ARHGEF1: variants seen among roughly 807,000 people sequenced by gnomAD.
The protein encoded by ARHGEF1 is Rho guanine nucleotide exchange factor 1, also known as 115 kDa guanine nucleotide exchange factor.
A neutral mutation model predicts 119.7 loss-of-function variants in ARHGEF1; 40 were observed. The observed-to-expected ratio is 0.33, with a 90% CI of 0.26 to 0.44. ARHGEF1 has a LOEUF of 0.44. ARHGEF1 is among the 20% of genes least tolerant of loss of function. The pLI is 1.00. For missense variants in ARHGEF1, 976 were observed against 1,268.3 expected (o/e 0.77, Z 3.50); for synonymous variants, 494 against 521.0 (o/e 0.95, Z 0.71).
chr19:41,919,426 C>T (rs114144632), upstream of ARHGEF1, among the ~76,000 whole-genome samples: 541 of 152,270 alleles, frequency 3.6e-3, 1 homozygote, highest in African/African-American at 0.013. Flanking sequence ...GCTGGACACA[C>T]AGTATCACTC....
rs2074690247 is a variant in ARHGEF1, at chr19:41,906,060, G to GC, written c.2491+38dup. The GC allele has an allele frequency of 6.3e-7, 1 of 1,582,772 alleles. No homozygotes were observed. The highest frequency in any genetic ancestry group is 8.7e-7 in the Non-Finnish European group (1 of 1,153,276). On this transcript the variant is annotated intron_variant, in intron 26 of 28. Coordinates refer to ENST00000354532, the MANE Select transcript of ARHGEF1 (RefSeq NM_004706.4). This position sits in a 1 kb window ranked among gnomAD's most constrained non-coding sequence, Gnocchi z 4.5. ...CTCTGCCCCTCCAGGGTGGCCACCAGCCCAAACAGTGCCTCTGTTCCAACT... is the reference window on the plus strand; with the variant it reads ...CTCTGCCCCTCCAGGGTGGCCACCAGCCCCAAACAGTGCCTCTGTTCCAACT...
At chr19:41,918,157 T>C (rs187229020), upstream of ARHGEF1, among the ~76,000 whole-genome samples, 21 of 152,040 alleles carry the variant, frequency 1.4e-4, no homozygotes, top group East Asian at 3.7e-3. Context: ...TGACCCTGGT[T>C]GGGGGTGCCT....
chr19:41,883,229 G>T lies in ARHGEF1; in HGVS notation c.-80G>T. ...CCAGGAAGCGGGAGCCGGGACCCAG[G>T]GCCCGGGATCGCCGAGCCCGACCTC... is the stretch of plus-strand genomic sequence containing the variant. On this transcript the variant is annotated 5_prime_UTR_variant, in exon 1 of 29. Coordinates refer to ENST00000354532, the MANE Select transcript of ARHGEF1 (RefSeq NM_004706.4). This position sits in a 1 kb window ranked among gnomAD's most constrained non-coding sequence, Gnocchi z 7.6. The T allele has an allele frequency of 5.0e-6, 1 of 198,086 alleles. No homozygotes were observed. The highest frequency in any genetic ancestry group is 4.7e-5 in the South Asian group (1 of 21,358). The allele number at this position is 198,086 out of a possible 1,614,324, so 12.3% of individuals were successfully genotyped here. A position where few individuals can be genotyped will look rare whatever the true frequency, so the allele number is the denominator to read the frequency against.
Position 41,914,629 on chromosome 19 carries a change from G to GTCTCTCCCTCCCTTTCCACCA in ARHGEF1, c.1865+7831_1865+7832insCCCTCCCTTTCCACCATCTCT, listed in dbSNP as rs2074779855. 1.4e-4 allele frequency among the ~76,000 whole-genome samples: 3 copies of GTCTCTCCCTCCCTTTCCACCA among 21,626 alleles called. 1 individual carries two copies. Among genetic ancestry groups the GTCTCTCCCTCCCTTTCCACCA allele is most frequent in the East Asian group, 1.4e-3 (1 of 730 alleles). The allele number at this position is 21,626 out of a possible 152,430, so 14.2% of individuals were successfully genotyped here. A position where few individuals can be genotyped will look rare whatever the true frequency, so the allele number is the denominator to read the frequency against. ...CTCTCCCTCCCCTTCCACCATCTCT[G>GTCTCTCCCTCCCTTTCCACCA]TCTCTGTCTCTCCCTCCCTTTCCAC... On this transcript the variant is annotated intron_variant, in intron 18 of 20. Transcript: ENST00000599589.
intron 4 of ARHGEF1, among the ~76,000 whole-genome samples, chr19:41,891,129 C>T (rs1439436510): frequency 6.6e-6 from 1 of 152,170 alleles, no homozygotes; most frequent in East Asian, 1.9e-4. Context: ...GCACCACCAT[C>T]TGGGACACAG....
chr19:41,903,754 G>A lies in ARHGEF1; in HGVS notation c.1887G>A (p.Gln629=), dbSNP rs1568823581. The part of the protein sequence containing the change: ...QRRLDLSHLR[Q]SSDPMLSEFK... ...GCCTGGACTTGTCCCACCTTCGGCA[G>A]AGCAGCGACCCTATGCTGAGCGAGT... Residue 629 remains glutamine (Q), a synonymous_variant, in exon 20 of 29, where the codon CAG becomes CAA. Transcript: ENST00000354532. This position sits in a 1 kb window ranked among gnomAD's most constrained non-coding sequence, Gnocchi z 4.2. The A allele has an allele frequency of 1.2e-6, 2 of 1,613,154 alleles. No individual in the cohort carries two copies. Among genetic ancestry groups the A allele is most frequent in the Admixed American group, 3.3e-5 (2 of 60,020 alleles).
chr19:41,888,715 T>C lies in ARHGEF1; in HGVS notation c.112-37T>C. 1.9e-6 allele frequency: 3 copies of C among 1,591,028 alleles called. No homozygotes were observed. Among genetic ancestry groups the C allele is most frequent in the Non-Finnish European group, 2.6e-6 (3 of 1,159,552 alleles). On this transcript the variant is annotated intron_variant, in intron 3 of 28. Transcript: ENST00000354532. This position sits in a 1 kb window ranked among gnomAD's most constrained non-coding sequence, Gnocchi z 5.1. The stretch of plus-strand genomic sequence containing the variant: ...AGGGTCAACCCTAAGGCCCCTCCTC[T>C]TCTCCCCATTGTACTCACCCCTTCC...
At chr19:41,920,557 A>G (rs2074836261), upstream of ARHGEF1, among the ~76,000 whole-genome samples, 1 of 152,058 alleles carries the variant, frequency 6.6e-6, no homozygotes, top group African/African-American at 2.4e-5. Context: ...ACACGCCCAG[A>G]TGTTACGCAC....
In ARHGEF1 at chr19:41,904,006, G is replaced by A. The variant is rs782370877; in HGVS notation, c.1918-29G>A. The stretch of plus-strand genomic sequence containing the variant: ...AACCCCAATCACCCCCTGCCAACCT[G>A]CACAAACCATCACCCCCTCCTGCCC... On this transcript the variant is annotated intron_variant, in intron 20 of 28. Transcript: ENST00000354532. This position sits in a 1 kb window ranked among gnomAD's most constrained non-coding sequence, Gnocchi z 8.4. 1.1e-5 allele frequency: 17 copies of A among 1,606,592 alleles called. No homozygotes were observed. In the Admixed American group the frequency reaches 2.7e-4, roughly 25 times the overall value.
At position 41,916,017 on chromosome 19, in the gene ARHGEF1, C is replaced by T. The variant is rs548345124; in HGVS notation, c.1866-7075C>T. On this transcript the variant is annotated intron_variant, in intron 18 of 20. Transcript: ENST00000599589. The surrounding 1 kb of genome is among the most constrained non-coding windows in gnomAD (Gnocchi z 5.4). The stretch of plus-strand genomic sequence containing the variant: ...TTTAATTTTATTTTGCTTCCTCCAC[C>T]CCCCCTTCGCCCCCCATCTCTACCG... Among the ~76,000 whole-genome samples, 5 of 151,912 alleles carry T rather than the reference C, an allele frequency of 3.3e-5. No individual in the cohort carries two copies. Among genetic ancestry groups the T allele is most frequent in the African/African-American group, 1.2e-4 (5 of 41,366 alleles).
chr19:41,913,771 C>T (rs564375604), intron 18 of ARHGEF1, among the ~76,000 whole-genome samples: 1 of 150,594 alleles, frequency 6.6e-6, no homozygotes, highest in Non-Finnish European at 1.5e-5. Context: ...AGTCTCCCCG[C>T]ACCTTTCCCC....
downstream of ARHGEF1, chr19:41,909,150 G>A (rs1172947768): frequency 6.5e-6 from 8 of 1,231,756 alleles, no homozygotes; most frequent in East Asian, 3.2e-5. This position sits in a 1 kb window ranked among gnomAD's most constrained non-coding sequence, Gnocchi z 5.2. Context: ...TCTCCCAGGC[G>A]TGGGGCAGAG....
At chr19:41,891,168 C>T (rs1174104107) in intron 4 of ARHGEF1, among the ~76,000 whole-genome samples, 3 of 152,234 alleles carry the variant, frequency 2.0e-5, no homozygotes, top group Admixed American at 1.3e-4. Context: ...CCCCTCAACA[C>T]ACACAAACCC....
At chr19:41,896,996 G>T in intron 13 of ARHGEF1, 1 of 414,784 alleles carries the variant, frequency 2.4e-6, no homozygotes, top group Non-Finnish European at 4.7e-6. Flanking sequence ...TCTCACCTGG[G>T]TTTTCTTTCC....
At chr19:41,900,332 C>T (rs2074580575) in intron 14 of ARHGEF1, among the ~76,000 whole-genome samples, 1 of 152,108 alleles carries the variant, frequency 6.6e-6, no homozygotes, top group Non-Finnish European at 1.5e-5. Context: ...CAGAGCAAGA[C>T]TGTGTCTCAA....
rs1555850600 is a variant in ARHGEF1 at position 41,907,417 on chromosome 19, G to A, written c.*330G>A. On this transcript the variant is annotated 3_prime_UTR_variant, in exon 29 of 29. Transcript: ENST00000354532. ...TCGCTCTGTTTTTATACCCTGAATT[G>A]GAGGTTTATTTTTTAATATATATTA... The A allele has an allele frequency of 3.9e-6, 6 of 1,530,522 alleles. No homozygotes were observed. The highest frequency in any genetic ancestry group is 4.0e-5 in the Admixed American group (2 of 49,870). The allele number at this position is 1,530,522 out of a possible 1,614,324, so 94.8% of individuals were successfully genotyped here.
upstream of ARHGEF1, among the ~76,000 whole-genome samples, chr19:41,922,121 G>A (rs1390599855): frequency 3.9e-5 from 6 of 152,110 alleles, no homozygotes; most frequent in African/African-American, 1.4e-4. Context: ...GCGGGGTGTG[G>A]TGTACACCAG....
In ARHGEF1 at chr19:41,916,857, C is replaced by T. The variant is rs143711754; in HGVS notation, c.1866-6235C>T. 6.2e-4 allele frequency among the ~76,000 whole-genome samples: 95 copies of T among 152,162 alleles called. No homozygotes were observed. The highest frequency in any genetic ancestry group is 1.2e-3 in the Non-Finnish European group (83 of 68,018). On this transcript the variant is annotated intron_variant, in intron 18 of 20. Coordinates refer to the ARHGEF1 transcript ENST00000599589. The surrounding 1 kb of genome is among the most constrained non-coding windows in gnomAD (Gnocchi z 5.4). ...AACATACGACCGACAGCGGCCCCTG[C>T]AGAGGTACACACAGACACACCCAGA...
chr19:41,890,170 T>C (rs1188831024), intron 4 of ARHGEF1: 1 of 152,008 alleles, frequency 6.6e-6, no homozygotes, highest in African/African-American at 2.4e-5. Context: ...AGAGTGGATA[T>C]AGATGTGTTA....
Sources: gnomAD v4.1 joint callset for allele counts (sites outside exome capture counted in the v4.1 genomes callset) on GRCh38, gnomAD v4.1.1 for gene constraint, Gnocchi (gnomAD v3.1) non-coding constraint, MANE v1.5 for transcripts, NCBI Gene and HGNC (gene_info 2026-07-23, HGNC 2026-07-21) for gene names.